The following CNTN2 variants were observed in gnomAD, a reference collection of about 807,000 sequenced individuals.
CNTN2 encodes the protein contactin 2.
In CNTN2, 53 loss-of-function variants were observed where a neutral mutation model predicts 117.5. That is an observed-to-expected ratio of 0.45 (90% CI 0.36 to 0.57). The LOEUF (loss-of-function observed/expected upper bound fraction) is 0.57, where lower values mean the gene tolerates loss of function less well. Ranked by LOEUF, CNTN2 falls within the 20% of genes least tolerant of loss-of-function variation. The pLI, the probability that CNTN2 is intolerant of heterozygous loss-of-function variation, is 0.00. For synonymous variants in CNTN2, 530 were observed against 561.7 expected, an observed-to-expected ratio of 0.94 and a Z score of 0.80; for missense variants, 1,106 against 1,404.3, an observed-to-expected ratio of 0.79 and a Z score of 3.39.
chr1:205,048,435 C>T lies in CNTN2; in HGVS notation c.-86-4665C>T, dbSNP rs998375403. ...AACTCCCCCTGGTGCCCCCGAACCC[C>T]CCAGTGGTCCACTCCCCCATGTGCT... is the stretch of plus-strand genomic sequence containing the variant. On this transcript the variant is annotated intron_variant, in intron 1 of 22. Coordinates refer to ENST00000331830, the MANE Select transcript of CNTN2 (RefSeq NM_005076.5). This position sits in a 1 kb window ranked among gnomAD's most constrained non-coding sequence, Gnocchi z 4.1. Among the ~76,000 whole-genome samples, 13 of 152,160 alleles carry T rather than the reference C, an allele frequency of 8.5e-5. No homozygotes were observed. The highest frequency in any genetic ancestry group is 1.9e-4 in the East Asian group (1 of 5,192).
intron 2 of CNTN2, among the ~76,000 whole-genome samples, chr1:205,056,147 G>T (rs1402074316): frequency 6.6e-6 from 1 of 152,144 alleles, no homozygotes; most frequent in Admixed American, 6.5e-5. Context: ...GAGGAGAAAG[G>T]TTTCTCGGGA....
intron 21 of CNTN2, 147 bp downstream of exon 21, chr1:205,072,742 G>A (rs1654657856): frequency 1.4e-6 from 1 of 702,180 alleles, no homozygotes; most frequent in African/African-American, 1.8e-5. Flanking sequence ...TGAAATTCAT[G>A]AACTATTCTC....
In CNTN2 at chr1:205,058,408, G is replaced by A; in HGVS notation, c.391+52G>A. 1 of 1,534,474 alleles carries A rather than the reference G, an allele frequency of 6.5e-7. No homozygotes were observed. Among genetic ancestry groups the A allele is most frequent in the Non-Finnish European group, 8.8e-7 (1 of 1,136,706 alleles). The stretch of plus-strand genomic sequence containing the variant: ...TTTGGGGGAGGGGGAGAGGGGGCTA[G>A]GAGAAATTACTGAGAAAGGATAAGG... On this transcript the variant is annotated intron_variant, in intron 4 of 22. Transcript: ENST00000331830. This position sits in a 1 kb window ranked among gnomAD's most constrained non-coding sequence, Gnocchi z 4.3.
intron 1 of CNTN2, among the ~76,000 whole-genome samples, chr1:205,049,283 C>CAA (rs1217107646): frequency 5.7e-5 from 1 of 17,566 alleles, no homozygotes; most frequent in Non-Finnish European, 1.6e-4. Flanking sequence ...TCACACCCGA[C>CAA]ACACACACAC....
chr1:205,072,372 C>T, intron 20 of CNTN2, 111 bp from the exon 21 acceptor site: 2 of 960,236 alleles, frequency 2.1e-6, no homozygotes, highest in South Asian at 2.9e-5. Flanking sequence ...ACAGAATGTG[C>T]TGGGTGTAAC....
chr1:205,066,479 A>G lies in CNTN2; in HGVS notation c.1855A>G (p.Ile619Val). 1 of 1,614,036 alleles carries G rather than the reference A, an allele frequency of 6.2e-7. No homozygotes were observed. The highest frequency in any genetic ancestry group is 8.5e-7 in the Non-Finnish European group (1 of 1,180,040). ...CCCAGGAGGTGTGGTGGTGAGGGAC[A>G]TTGGCGACACCACCATCCAGCTCAG... is the stretch of plus-strand genomic sequence containing the variant. ...GPPGGVVVRD[I>V]GDTTIQLSWS... Residue 619 changes from isoleucine to valine, a missense_variant, in exon 15 of 23, where the codon ATT becomes GTT. Transcript: ENST00000331830.
intron 1 of CNTN2, among the ~76,000 whole-genome samples, chr1:205,051,103 C>T (rs974760279): frequency 3.9e-5 from 6 of 152,238 alleles, no homozygotes; most frequent in Admixed American, 6.5e-5. Flanking sequence ...TTCACTGGCT[C>T]CTGGAGGCAT....
chr1:205,057,669 G>C, intron 2 of CNTN2: 1 of 387,050 alleles, frequency 2.6e-6, no homozygotes, highest in East Asian at 4.6e-5. Context: ...GCCAGATGGG[G>C]CCTGCCCAGC....
rs1654224741 is a variant in CNTN2, at chr1:205,065,324, G to A, written c.1695+62G>A. ...CCTTCTAGAGAGACAGGGGCCCCAA[G>A]ATGTCCTTAGCCATCCTCACCTTTA... On this transcript the variant is annotated intron_variant, in intron 13 of 22. Transcript: ENST00000331830. The surrounding 1 kb of genome is among the most constrained non-coding windows in gnomAD (Gnocchi z 4.1). 3 of 1,575,218 alleles carry A rather than the reference G, an allele frequency of 1.9e-6. No individual in the cohort carries two copies. In the East Asian group the frequency reaches 6.7e-5, roughly 35 times the overall value.
chr1:205,057,952 C>T lies in CNTN2; in HGVS notation c.102C>T (p.Thr34=), dbSNP rs1653734708. Residue 34 remains threonine (T), a synonymous_variant, in exon 3 of 23, where the codon ACC becomes ACT. Coordinates refer to ENST00000331830, the MANE Select transcript of CNTN2 (RefSeq NM_005076.5). ...AWSSALGSQT[T]FGPVFEDQPL... is the part of the protein sequence containing the mutation. ...GTTCAGCCCTGGGATCCCAAACCAC[C>T]TTCGGGCCTGTCTTTGAAGACCAGC... 1.9e-6 allele frequency: 3 copies of T among 1,614,154 alleles called. No individual in the cohort carries two copies. Among genetic ancestry groups the T allele is most frequent in the Non-Finnish European group, 2.5e-6 (3 of 1,180,036 alleles).
intron 1 of CNTN2, among the ~76,000 whole-genome samples, chr1:205,050,977 T>C (rs1488255635): frequency 6.6e-6 from 1 of 152,236 alleles, no homozygotes; most frequent in Non-Finnish European, 1.5e-5. Flanking sequence ...AATAGGTGTA[T>C]TAAATGGAGT....
rs1164048350 is a variant in CNTN2 at position 205,073,049 on chromosome 1, G to A, written c.2845-19G>A. On this transcript the variant is annotated intron_variant, in intron 21 of 22. Coordinates refer to ENST00000331830, the MANE Select transcript of CNTN2 (RefSeq NM_005076.5). This position sits in a 1 kb window ranked among gnomAD's most constrained non-coding sequence, Gnocchi z 6.3. ...GCCCTGGTGTCAGGAAACTCCACCTGGAAACCTCCTTCCCACAGATGCTGT... is the reference window on the plus strand; with the variant it reads ...GCCCTGGTGTCAGGAAACTCCACCTAGAAACCTCCTTCCCACAGATGCTGT... 3.7e-6 allele frequency: 6 copies of A among 1,613,374 alleles called. No homozygotes were observed. Among genetic ancestry groups the A allele is most frequent in the Admixed American group, 1.7e-5 (1 of 59,936 alleles).
chr1:205,073,350 AAGGC>A lies in CNTN2; in HGVS notation c.3013+122_3013+125del. The A allele has an allele frequency of 7.5e-7, 1 of 1,331,536 alleles. No individual in the cohort carries two copies. The highest frequency in any genetic ancestry group is 1.0e-6 in the Non-Finnish European group (1 of 966,848). 82.5% of individuals were successfully genotyped at this position (1,331,536 alleles called of 1,614,324 possible). A position where few individuals can be genotyped will look rare whatever the true frequency, so the allele number is the denominator to read the frequency against. On this transcript the variant is annotated intron_variant, in intron 22 of 22. Coordinates refer to ENST00000331830, the MANE Select transcript of CNTN2 (RefSeq NM_005076.5). The surrounding 1 kb of genome is among the most constrained non-coding windows in gnomAD (Gnocchi z 6.3). ...AATCTCTACCCGCAAAGGAAAGTGG[AAGGC>A]AGGCAGGAACCAAGTGCAAAGTAGT... is the stretch of plus-strand genomic sequence containing the variant.
At position 205,059,235 on chromosome 1, in the gene CNTN2, G is replaced by T; in HGVS notation, c.639G>T (p.Met213Ile). The change falls in exon 6 of 23, where the codon ATG becomes ATT. Residue 213 changes from methionine to isoleucine, a missense_variant. Coordinates refer to ENST00000331830, the MANE Select transcript of CNTN2 (RefSeq NM_005076.5). The surrounding 1 kb of genome is among the most constrained non-coding windows in gnomAD (Gnocchi z 5.6). ...ACTCCTGTTTGGCCACCAGCCACAT[G>T]GACTTCTCCACCAAGAGCGTCTTCA... ...GNYSCLATSH[M>I]DFSTKSVFSK... The T allele has an allele frequency of 6.2e-7, 1 of 1,614,192 alleles. No individual in the cohort carries two copies. Among genetic ancestry groups the T allele is most frequent in the Non-Finnish European group, 8.5e-7 (1 of 1,180,038 alleles).
At position 205,073,019 on chromosome 1, in the gene CNTN2, G is replaced by A. The variant is rs747461266; in HGVS notation, c.2845-49G>A. ...TACCTAAAGCTGGGGATGACTCAAC[G>A]ATCAGCCCTGGTGTCAGGAAACTCC... On this transcript the variant is annotated intron_variant, in intron 21 of 22. Coordinates refer to ENST00000331830, the MANE Select transcript of CNTN2 (RefSeq NM_005076.5). The surrounding 1 kb of genome is among the most constrained non-coding windows in gnomAD (Gnocchi z 6.3). 42 of 1,600,344 alleles carry A rather than the reference G, an allele frequency of 2.6e-5. 1 individual carries two copies. Among genetic ancestry groups the A allele is most frequent in the South Asian group, 3.4e-5 (3 of 89,096 alleles).
intron 10 of CNTN2, 81 bp from the exon 11 acceptor site, chr1:205,064,241 G>A (rs1046058639): frequency 3.4e-5 from 49 of 1,454,058 alleles, no homozygotes; most frequent in East Asian, 1.4e-4. Flanking sequence ...CACTCATGGC[G>A]TGGCTTCAAA....
chr1:205,053,189 G>C lies in CNTN2; in HGVS notation c.4G>C (p.Gly2Arg). MGTATRRKPHLL... is the reference protein window; with the variant it reads MRTATRRKPHLL... ...CACCTCTGCCCGGACATCCACCATG[G>C]GGACAGCCACCAGGAGGAAGCCACA... is the stretch of plus-strand genomic sequence containing the variant. Residue 2 changes from glycine to arginine, a missense_variant, in exon 2 of 23, where the codon GGG becomes CGG. By Grantham distance (125) the Gly-to-Arg change is moderately radical (BLOSUM62 -2). Transcript: ENST00000331830. 4.3e-6 allele frequency: 7 copies of C among 1,612,356 alleles called. No homozygotes were observed. Among genetic ancestry groups the C allele is most frequent in the Non-Finnish European group, 5.9e-6 (7 of 1,179,292 alleles).
Position 205,074,434 on chromosome 1 carries a change from A to G in CNTN2, c.*669A>G, listed in dbSNP as rs759533147. The G allele has an allele frequency of 9.8e-5, 39 of 399,020 alleles. No homozygotes were observed. The highest frequency in any genetic ancestry group is 1.5e-4 in the Non-Finnish European group (34 of 226,420). 24.7% of individuals were successfully genotyped at this position (399,020 alleles called of 1,614,324 possible). On this transcript the variant is annotated 3_prime_UTR_variant, in exon 23 of 23. Coordinates refer to ENST00000331830, the MANE Select transcript of CNTN2 (RefSeq NM_005076.5). ...AGGCTGTTTGGGGTGGGAGCCAAAA[A>G]GAGTTGAGAGGCCAGGGCCCTTGGT...
intron 1 of CNTN2, among the ~76,000 whole-genome samples, chr1:205,047,286 C>T (rs1285599847): frequency 2.0e-5 from 3 of 152,134 alleles, no homozygotes; most frequent in African/African-American, 7.2e-5. Context: ...TCACCCCACC[C>T]CTGCCAGCTG....
Sources: gnomAD v4.1 joint callset for allele counts (sites outside exome capture counted in the v4.1 genomes callset) on GRCh38, gnomAD v4.1.1 for gene constraint, Gnocchi (gnomAD v3.1) non-coding constraint, MANE v1.5 for transcripts, NCBI Gene and HGNC (gene_info 2026-07-23, HGNC 2026-07-21) for gene names.